The following SSBP3 variants were observed in gnomAD, a reference collection of about 807,000 sequenced individuals.
SSBP3 encodes single stranded DNA binding protein 3.
SSBP3 carries 5 observed loss-of-function variants against 69.6 expected under a neutral mutation model. The observed-to-expected ratio is 0.07, with a 90% CI of 0.04 to 0.15. SSBP3 has a LOEUF of 0.15. SSBP3 is among the 10% of genes least tolerant of loss of function. SSBP3 has a pLI of 1.00. For synonymous variants in SSBP3, 196 were observed against 193.4 expected (o/e 1.01, Z -0.11); for missense variants, 312 against 534.0 (o/e 0.58, Z 4.10).
chr1:54,232,432 G>A (rs1644395931), intron 14 of SSBP3, among the ~76,000 whole-genome samples: 1 of 151,610 alleles, frequency 6.6e-6, no homozygotes, highest in African/African-American at 2.4e-5. Flanking sequence ...TATTATTTAT[G>A]TTTTTTTAAA....
In SSBP3 at chr1:54,387,043, T is replaced by A. The variant is rs1458837049; in HGVS notation, c.276+14818A>T. 2.0e-5 allele frequency among the ~76,000 whole-genome samples: 3 copies of A among 152,158 alleles called. No individual in the cohort carries two copies. The East Asian group carries it at 5.8e-4, about 29-fold the overall frequency. On this transcript the variant is annotated intron_variant, in intron 4 of 17. Transcript: ENST00000610401. ...CCTCAGGCAGTCAGCAAAACTTTTA[T>A]TCCATGAAGTAAGAACATCCGTTCC...
intron 4 of SSBP3, among the ~76,000 whole-genome samples, chr1:54,288,574 C>T (rs1338508390): frequency 1.1e-5 from 1 of 88,908 alleles, no homozygotes; most frequent in Non-Finnish European, 2.1e-5. Context: ...TGATCCCATA[C>T]ATCAGCAGGG....
intron 5 of SSBP3, among the ~76,000 whole-genome samples, chr1:54,267,339 C>G (rs1259202910): frequency 6.6e-6 from 1 of 152,218 alleles, no homozygotes; most frequent in African/African-American, 2.4e-5. Context: ...CTGGCAGTCA[C>G]TCTAACTGGG....
At chr1:54,278,753 A>T (rs1645336663) in intron 5 of SSBP3, among the ~76,000 whole-genome samples, 1 of 152,236 alleles carries the variant, frequency 6.6e-6, no homozygotes, top group African/African-American at 2.4e-5. Flanking sequence ...CCTGGTGCAA[A>T]GCCTTTCTGC....
At chr1:54,279,383 C>T (rs113168146) in intron 5 of SSBP3, among the ~76,000 whole-genome samples, 35 of 152,314 alleles carry the variant, frequency 2.3e-4, no homozygotes, top group African/African-American at 7.5e-4. Flanking sequence ...TAGCCATGGA[C>T]GATTATACCA....
intron 14 of SSBP3, among the ~76,000 whole-genome samples, chr1:54,235,738 G>A (rs1391065007): frequency 2.0e-5 from 3 of 151,964 alleles, no homozygotes; most frequent in African/African-American, 4.8e-5. Context: ...ATGAGCCACC[G>A]TGCCCGGCCA....
intron 5 of SSBP3, among the ~76,000 whole-genome samples, chr1:54,280,727 G>A (rs923368094): frequency 5.9e-5 from 9 of 152,182 alleles, no homozygotes; most frequent in Non-Finnish European, 8.8e-5. Flanking sequence ...CAGAGGAGGC[G>A]GCGCAGAGAG....
intron 4 of SSBP3, among the ~76,000 whole-genome samples, chr1:54,338,642 G>T (rs1221406293): frequency 6.6e-6 from 1 of 152,226 alleles, no homozygotes; most frequent in Non-Finnish European, 1.5e-5. Flanking sequence ...TACCCAGGCA[G>T]CCAAGGGAGT....
At chr1:54,342,403 T>C (rs1379226960) in intron 4 of SSBP3, among the ~76,000 whole-genome samples, 5 of 152,246 alleles carry the variant, frequency 3.3e-5, no homozygotes, top group African/African-American at 7.2e-5. Flanking sequence ...GGTGGATCAA[T>C]AGCCCTCTTA....
intron 3 of SSBP3, among the ~76,000 whole-genome samples, chr1:54,404,136 G>A (rs1355467414): frequency 6.6e-6 from 1 of 152,128 alleles, no homozygotes; most frequent in Non-Finnish European, 1.5e-5. Flanking sequence ...AAAAGCCCCG[G>A]TAGATGTCCT....
intron 4 of SSBP3, among the ~76,000 whole-genome samples, chr1:54,357,900 G>A (rs1646893502): frequency 6.6e-6 from 1 of 152,168 alleles, no homozygotes; most frequent in Non-Finnish European, 1.5e-5. Context: ...CCCATCAAAG[G>A]TGGACTCTCC....
chr1:54,384,096 A>T (rs1647890847), intron 4 of SSBP3, among the ~76,000 whole-genome samples: 1 of 118,004 alleles, frequency 8.5e-6, no homozygotes, highest in Non-Finnish European at 1.7e-5. Context: ...ACAGTGCAAG[A>T]CTCCATCTCA....
intron 4 of SSBP3, among the ~76,000 whole-genome samples, chr1:54,395,745 G>T (rs541668873): frequency 4.6e-5 from 7 of 152,292 alleles, no homozygotes; most frequent in African/African-American, 1.7e-4. Context: ...TTCCAGCCAA[G>T]AAATGACAAA....
At chr1:54,378,350 G>T (rs535746268) in intron 4 of SSBP3, among the ~76,000 whole-genome samples, 1 of 152,324 alleles carries the variant, frequency 6.6e-6, no homozygotes, top group South Asian at 2.1e-4. Flanking sequence ...CTACCCAGAG[G>T]TGTGGGTGGG....
intron 4 of SSBP3, 145 bp from the exon 5 acceptor site, chr1:54,281,672 G>A (rs1645395044): frequency 1.3e-6 from 1 of 754,196 alleles, no homozygotes. Flanking sequence ...AGCCCTCCTA[G>A]CGTCCCAGGG....
intron 5 of SSBP3, among the ~76,000 whole-genome samples, chr1:54,272,502 G>A (rs1248666844): frequency 6.9e-6 from 1 of 145,130 alleles, no homozygotes; most frequent in African/African-American, 2.6e-5. Context: ...AAAAAAAAAA[G>A]GGAGAAAAAC....
At chr1:54,230,590 A>G (rs1334228691) in intron 14 of SSBP3, among the ~76,000 whole-genome samples, 1 of 152,182 alleles carries the variant, frequency 6.6e-6, no homozygotes, top group African/African-American at 2.4e-5. Flanking sequence ...GTATATTTAC[A>G]GGGTTGTGCA....
chr1:54,233,567 G>C (rs1347945708), intron 14 of SSBP3, among the ~76,000 whole-genome samples: 4 of 142,110 alleles, frequency 2.8e-5, no homozygotes, highest in Non-Finnish European at 6.2e-5. Context: ...CCGGCCAGCC[G>C]CCCCGTCGGG....
intron 4 of SSBP3, among the ~76,000 whole-genome samples, chr1:54,397,141 G>A (rs1037324275): frequency 4.6e-5 from 7 of 152,340 alleles, no homozygotes; most frequent in South Asian, 2.1e-4. Flanking sequence ...CAAAGGCAAC[G>A]CCGTGAACTT....
Sources: gnomAD v4.1 joint callset for allele counts (sites outside exome capture counted in the v4.1 genomes callset) on GRCh38, gnomAD v4.1.1 for gene constraint, MANE v1.5 for transcripts, NCBI Gene and HGNC (gene_info 2026-07-23, HGNC 2026-07-21) for gene names.